Variants in DHRS7B observed in about 807,000 individuals in gnomAD.
DHRS7B encodes peroxisomal reductase activating PPAR-gamma.
Under a neutral mutation model 26.4 loss-of-function variants are expected in DHRS7B, and 24 were observed. The ratio of observed to expected loss-of-function variants is 0.91; its 90% CI spans 0.66 to 1.28. The LOEUF is 1.28. Ranked by LOEUF, DHRS7B falls within the 50% of genes most tolerant of loss-of-function variation. The probability of loss-of-function intolerance (pLI) is 0.00; values close to 1 mark genes in which losing one functional copy is unlikely to be tolerated. For missense variants in DHRS7B, 368 were observed against 419.4 expected, an observed-to-expected ratio of 0.88 and a Z score of 1.07; for synonymous variants, 142 against 166.4, an observed-to-expected ratio of 0.85 and a Z score of 1.13.
intron 1 of DHRS7B, among the ~76,000 whole-genome samples, chr17:21,141,165 A>G (rs1282621322): frequency 1.3e-5 from 2 of 152,036 alleles, no homozygotes; most frequent in African/African-American, 4.8e-5. Context: ...GCTGCATGTC[A>G]TTGTCGGGGG....
chr17:21,127,346 G>T (rs1383116753), intron 1 of DHRS7B: 1 of 265,108 alleles, frequency 3.8e-6, no homozygotes. Context: ...ATTTCTGCGC[G>T]ACGTAGGGGA....
chr17:21,138,095 T>TACACACAC lies in DHRS7B; in HGVS notation c.20+11105_20+11106insCACACACA, dbSNP rs1395026542. 9.3e-3 allele frequency among the ~76,000 whole-genome samples: 758 copies of TACACACAC among 81,572 alleles called. 10 individuals carry two copies. Among genetic ancestry groups the TACACACAC allele is most frequent in the African/African-American group, 0.021 (365 of 17,604 alleles). The allele number at this position is 81,572 out of a possible 152,430, so 53.5% of individuals were successfully genotyped here. A position where few individuals can be genotyped will look rare whatever the true frequency, so the allele number is the denominator to read the frequency against. On this transcript the variant is annotated intron_variant, in intron 1 of 6. Transcript: ENST00000395511. ...AAAAAAATATATATATATATATATA[T>TACACACAC]ATATATACACACACACACACACACA...
intron 1 of DHRS7B, among the ~76,000 whole-genome samples, chr17:21,141,446 G>A (rs1679586466): frequency 2.0e-5 from 3 of 151,794 alleles, no homozygotes; most frequent in Admixed American, 1.3e-4. Flanking sequence ...GGAACAAATA[G>A]CAAAAACAAA....
chr17:21,187,687 A>T (rs922276191), intron 5 of DHRS7B, among the ~76,000 whole-genome samples: 4 of 151,822 alleles, frequency 2.6e-5, no homozygotes, highest in African/African-American at 9.6e-5. Flanking sequence ...TTAAACAAAA[A>T]TTCTGGGAAA....
At chr17:21,184,868 A>C (rs1429687304) in intron 5 of DHRS7B, among the ~76,000 whole-genome samples, 1 of 152,212 alleles carries the variant, frequency 6.6e-6, no homozygotes, top group African/African-American at 2.4e-5. Flanking sequence ...ATGCTTCCAC[A>C]GTTTTTTCTA....
intron 3 of DHRS7B, among the ~76,000 whole-genome samples, chr17:21,179,916 G>A (rs1382652204): frequency 2.0e-5 from 3 of 149,368 alleles, no homozygotes; most frequent in African/African-American, 7.4e-5. Flanking sequence ...ACTGGCATGC[G>A]CCACCACGCC....
intron 1 of DHRS7B, among the ~76,000 whole-genome samples, chr17:21,150,339 G>A (rs33998257): frequency 0.35 from 53,437 of 150,788 alleles, 9,618 homozygotes; most frequent in Middle Eastern, 0.45. Context: ...TTCTTTGTCC[G>A]GGCATGGTGG....
chr17:21,158,513 G>A (rs1973928015), intron 1 of DHRS7B, among the ~76,000 whole-genome samples: 1 of 152,132 alleles, frequency 6.6e-6, no homozygotes, highest in African/African-American at 2.4e-5. Context: ...GTATGAACAG[G>A]TTTTTTAATG....
chr17:21,182,222 ATATAT>A (rs1271619258), intron 3 of DHRS7B, among the ~76,000 whole-genome samples: 1 of 152,054 alleles, frequency 6.6e-6, no homozygotes, highest in African/African-American at 2.4e-5. Flanking sequence ...TATTAATGTG[ATATAT>A]TATAATGTTC....
chr17:21,140,022 C>CTTGTTTTT (rs1973456409), intron 1 of DHRS7B, among the ~76,000 whole-genome samples: 2 of 106,702 alleles, frequency 1.9e-5, no homozygotes, highest in Non-Finnish European at 1.8e-5. Flanking sequence ...CTTTCAGATT[C>CTTGTTTTT]TTTTTTTTTT....
intron 1 of DHRS7B, among the ~76,000 whole-genome samples, chr17:21,169,280 C>G (rs2144104903): frequency 6.6e-6 from 1 of 152,254 alleles, no homozygotes; most frequent in Admixed American, 6.5e-5. Context: ...TTGGAAAGAA[C>G]CACACTTCAC....
chr17:21,186,361 G>C (rs1339540565), intron 5 of DHRS7B, among the ~76,000 whole-genome samples: 1 of 152,238 alleles, frequency 6.6e-6, no homozygotes, highest in Non-Finnish European at 1.5e-5. Context: ...GGGAGACCCA[G>C]CTGTCAGAGT....
chr17:21,140,022 C>CTTTTTTTTTCT (rs1973456611), intron 1 of DHRS7B, among the ~76,000 whole-genome samples: 1 of 106,702 alleles, frequency 9.4e-6, no homozygotes, highest in Non-Finnish European at 1.8e-5. Flanking sequence ...CTTTCAGATT[C>CTTTTTTTTTCT]TTTTTTTTTT....
intron 1 of DHRS7B, among the ~76,000 whole-genome samples, chr17:21,163,581 T>C (rs1291417239): frequency 1.3e-5 from 2 of 152,192 alleles, no homozygotes; most frequent in African/African-American, 4.8e-5. Flanking sequence ...ATGACCAGAT[T>C]ACCTAGGTGC....
chr17:21,135,856 C>T lies in DHRS7B; in HGVS notation c.20+8865C>T, dbSNP rs756637396. Among the ~76,000 whole-genome samples, 8 of 152,142 alleles carry T rather than the reference C, an allele frequency of 5.3e-5. No individual in the cohort carries two copies. In the South Asian group the frequency reaches 6.2e-4, roughly 12 times the overall value. On this transcript the variant is annotated intron_variant, in intron 1 of 6. Coordinates refer to ENST00000395511, the MANE Select transcript of DHRS7B (RefSeq NM_015510.5). ...TTCAAAATTGGCCGTTACAATCTTA[C>T]GTGCCCACCTCTTCCACAATAGTCC...
chr17:21,143,251 T>C (rs1167351543), intron 1 of DHRS7B, among the ~76,000 whole-genome samples: 2 of 152,074 alleles, frequency 1.3e-5, no homozygotes, highest in Non-Finnish European at 2.9e-5. Flanking sequence ...TTAGTAGAGA[T>C]GGGGTTTCAC....
At chr17:21,185,513 C>A (rs1388856749) in intron 5 of DHRS7B, among the ~76,000 whole-genome samples, 5 of 152,222 alleles carry the variant, frequency 3.3e-5, no homozygotes, top group Admixed American at 6.5e-5. Flanking sequence ...GATTTACAAT[C>A]ATCATACATG....
At chr17:21,142,076 T>TGGATTTCATCAGCTGGGAGC in intron 1 of DHRS7B, among the ~76,000 whole-genome samples, 1 of 151,420 alleles carries the variant, frequency 6.6e-6, no homozygotes, top group Non-Finnish European at 1.5e-5. Flanking sequence ...GTGAAGGGAG[T>TGGATTTCATCAGCTGGGAGC]GGCTTTCATC....
intron 1 of DHRS7B, among the ~76,000 whole-genome samples, chr17:21,142,380 G>T (rs1220335532): frequency 6.6e-6 from 1 of 152,160 alleles, no homozygotes; most frequent in African/African-American, 2.4e-5. Flanking sequence ...GCAGGCCCAG[G>T]CCTGGTTTCC....
Sources: gnomAD v4.1 joint callset for allele counts (sites outside exome capture counted in the v4.1 genomes callset) on GRCh38, gnomAD v4.1.1 for gene constraint, MANE v1.5 for transcripts, NCBI Gene and HGNC (gene_info 2026-07-23, HGNC 2026-07-21) for gene names.